The following PGM5 variants were observed in gnomAD, a reference collection of about 807,000 sequenced individuals.
PGM5 encodes the protein phosphoglucomutase-like protein 5.
Under a neutral mutation model 59.2 loss-of-function variants are expected in PGM5, and 23 were observed. That is an observed-to-expected ratio of 0.39 (90% CI 0.28 to 0.55). The LOEUF (loss-of-function observed/expected upper bound fraction) is 0.55, where lower values mean the gene tolerates loss of function less well. Among genes scored for constraint, PGM5 ranks in the 20% least tolerant of loss-of-function variants. The pLI is 0.66. For synonymous variants in PGM5, 214 were observed against 286.0 expected, an observed-to-expected ratio of 0.75 and a Z score of 2.54; for missense variants, 574 against 748.3, an observed-to-expected ratio of 0.77 and a Z score of 2.72.
At chr9:68,420,026 G>A (rs1554682242) in intron 6 of PGM5, among the ~76,000 whole-genome samples, 1 of 152,142 alleles carries the variant, frequency 6.6e-6, no homozygotes, top group East Asian at 1.9e-4. Context: ...TGACCCCAGT[G>A]TTTGGACCTG....
intron 6 of PGM5, among the ~76,000 whole-genome samples, chr9:68,446,417 G>T (rs1554684005): frequency 6.6e-6 from 1 of 152,234 alleles, no homozygotes; most frequent in Admixed American, 6.5e-5. Context: ...GGGAAACTTG[G>T]TCTATAGCCT....
intron 6 of PGM5, among the ~76,000 whole-genome samples, chr9:68,419,287 C>T (rs7852479): frequency 0.29 from 44,401 of 152,008 alleles, 6,587 homozygotes; most frequent in Middle Eastern, 0.36. Context: ...AGTTCTAAGA[C>T]TGCTGGCAAT....
At chr9:68,417,071 G>C (rs1201887035) in intron 6 of PGM5, among the ~76,000 whole-genome samples, 1 of 152,212 alleles carries the variant, frequency 6.6e-6, no homozygotes, top group Non-Finnish European at 1.5e-5. Context: ...TGTTCAACGA[G>C]TTCACCATCC....
At chr9:68,447,456 G>A (rs568229978) in intron 6 of PGM5, among the ~76,000 whole-genome samples, 1 of 152,124 alleles carries the variant, frequency 6.6e-6, no homozygotes, top group East Asian at 1.9e-4. Flanking sequence ...TGAACCACAG[G>A]GCTTTTTTGT....
chr9:68,517,974 T>C (rs978557690), intron 10 of PGM5, among the ~76,000 whole-genome samples: 8 of 152,224 alleles, frequency 5.3e-5, no homozygotes, highest in Non-Finnish European at 1.0e-4. Context: ...AGAGGTGCTT[T>C]TGATGACTGG....
chr9:68,400,802 T>A (rs1822648079), intron 6 of PGM5: 1 of 152,564 alleles, frequency 6.6e-6, no homozygotes, highest in African/African-American at 2.4e-5. Flanking sequence ...CAAATACAGC[T>A]TAATCAATGT....
chr9:68,457,848 T>C (rs1823802716), intron 6 of PGM5, among the ~76,000 whole-genome samples: 1 of 151,746 alleles, frequency 6.6e-6, no homozygotes, highest in Non-Finnish European at 1.5e-5. Context: ...ACTTGGAAAA[T>C]ACAAAGCAAA....
At chr9:68,455,763 C>T (rs934879212) in intron 6 of PGM5, among the ~76,000 whole-genome samples, 14 of 152,276 alleles carry the variant, frequency 9.2e-5, no homozygotes, top group Admixed American at 1.3e-4. Context: ...CTCATTAATT[C>T]TTCAGTGTTG....
At chr9:68,389,185 C>T (rs782741480) in intron 4 of PGM5, among the ~76,000 whole-genome samples, 2 of 151,980 alleles carry the variant, frequency 1.3e-5, no homozygotes, top group African/African-American at 2.4e-5. Flanking sequence ...AAGATTCTCT[C>T]TTGTAAAAAC....
In PGM5 at chr9:68,391,640, C is replaced by A; in HGVS notation, c.804C>A (p.Asp268Glu). The change falls in exon 5 of 11, where the codon GAC (aspartate) becomes GAA (glutamate). Residue 268 changes from aspartate to glutamate, a missense_variant. Asp to Glu is a conservative substitution (Grantham distance 45). Transcript: ENST00000396396. ...AAGACTTTGGAGGGCAGCACCCTGA[C>A]CCAAACCTGACATATGCAACGACTC... ...PLEDFGGQHP[D>E]PNLTYATTLL... is the part of the protein sequence containing the mutation. The A allele has an allele frequency of 1.2e-6, 2 of 1,613,338 alleles. No individual in the cohort carries two copies. Among genetic ancestry groups the A allele is most frequent in the Non-Finnish European group, 1.7e-6 (2 of 1,179,472 alleles).
intron 10 of PGM5, among the ~76,000 whole-genome samples, chr9:68,505,076 G>A (rs891983079): frequency 3.9e-5 from 6 of 152,160 alleles, no homozygotes; most frequent in Admixed American, 1.3e-4. Context: ...TGGCCTCATG[G>A]CAGAATTATC....
chr9:68,423,541 T>A (rs1391572586), intron 6 of PGM5, among the ~76,000 whole-genome samples: 1 of 152,156 alleles, frequency 6.6e-6, no homozygotes, highest in Non-Finnish European at 1.5e-5. Context: ...GTGTTGAGAA[T>A]GGCATGCAGA....
At chr9:68,471,679 G>A (rs1263258574) in intron 7 of PGM5, among the ~76,000 whole-genome samples, 2 of 152,012 alleles carry the variant, frequency 1.3e-5, no homozygotes, top group Non-Finnish European at 1.5e-5. Flanking sequence ...CAGCACTTTG[G>A]GAAGCCAAGG....
intron 6 of PGM5, among the ~76,000 whole-genome samples, chr9:68,449,744 G>T (rs192829996): frequency 1.3e-5 from 2 of 152,312 alleles, no homozygotes; most frequent in African/African-American, 4.8e-5. Flanking sequence ...TACCCAAGGA[G>T]CCAGAGCTTG....
intron 10 of PGM5, among the ~76,000 whole-genome samples, chr9:68,528,726 A>C (rs1236755769): frequency 6.6e-6 from 1 of 152,214 alleles, no homozygotes; most frequent in Non-Finnish European, 1.5e-5. Context: ...ATCTTGGTTA[A>C]ATTGTTAAAG....
intron 10 of PGM5, among the ~76,000 whole-genome samples, chr9:68,515,948 A>C (rs889618658): frequency 3.3e-5 from 5 of 152,220 alleles, no homozygotes; most frequent in African/African-American, 1.2e-4. Context: ...TAACAATAGT[A>C]TCAAGTGCTT....
chr9:68,418,394 G>A (rs1325332775), intron 6 of PGM5, among the ~76,000 whole-genome samples: 5 of 152,178 alleles, frequency 3.3e-5, no homozygotes, highest in Middle Eastern at 3.4e-3. Context: ...CTGTTCCTGC[G>A]CTCAGCTTTA....
In PGM5 at chr9:68,529,637, G is replaced by A. The variant is rs1380090785; in HGVS notation, c.1685G>A (p.Gly562Glu). The A allele has an allele frequency of 6.3e-7, 1 of 1,597,280 alleles. No individual in the cohort carries two copies. Among genetic ancestry groups the A allele is most frequent in the Non-Finnish European group, 8.6e-7 (1 of 1,168,986 alleles). The change falls in exon 11 of 11, where the codon GGA becomes GAA. Residue 562 changes from glycine (G) to glutamate (E), a missense_variant. Transcript: ENST00000396396. ...SQIHERTGRR[G>E]PTVIT ...ATTCATGAGAGAACTGGCCGGAGGG[G>A]ACCCACTGTCATCACCTGAATAGAG... is the stretch of plus-strand genomic sequence containing the variant.
At chr9:68,415,080 C>A (rs1238762399) in intron 6 of PGM5, among the ~76,000 whole-genome samples, 1 of 149,434 alleles carries the variant, frequency 6.7e-6, no homozygotes, top group Non-Finnish European at 1.5e-5. Flanking sequence ...ATTCATTCTT[C>A]ATGTCATAAG....
Sources: gnomAD v4.1 joint callset for allele counts (sites outside exome capture counted in the v4.1 genomes callset) on GRCh38, gnomAD v4.1.1 for gene constraint, MANE v1.5 for transcripts, NCBI Gene and HGNC (gene_info 2026-07-23, HGNC 2026-07-21) for gene names.